Variants in ITPR1 observed in about 807,000 individuals in gnomAD.
The protein encoded by ITPR1 is inositol 1,4,5-trisphosphate-gated calcium channel ITPR1.
ITPR1 carries 96 observed loss-of-function variants against 318.4 expected under a neutral mutation model. The ratio of observed to expected loss-of-function variants is 0.30; its 90% CI spans 0.26 to 0.36. ITPR1 has a LOEUF of 0.36. Ranked by LOEUF, ITPR1 falls within the 10% of genes least tolerant of loss-of-function variation. The pLI, the probability that ITPR1 is intolerant of heterozygous loss-of-function variation, is 1.00. For missense variants in ITPR1, 2,440 were observed against 3,460.2 expected (o/e 0.71, Z 7.40); for synonymous variants, 1,312 against 1,289.9 (o/e 1.02, Z -0.37).
intron 52 of ITPR1, among the ~76,000 whole-genome samples, chr3:4,792,173 G>A (rs958928378): frequency 6.6e-6 from 1 of 151,952 alleles, no homozygotes; most frequent in Non-Finnish European, 1.5e-5. Context: ...TCACCTACAC[G>A]GATACTTGTG....
intron 7 of ITPR1, among the ~76,000 whole-genome samples, chr3:4,642,964 A>C (rs1175897855): frequency 1.3e-5 from 2 of 152,258 alleles, no homozygotes; most frequent in Non-Finnish European, 2.9e-5. Context: ...AACAGCATGA[A>C]ATAGTCTCAA....
intron 39 of ITPR1, among the ~76,000 whole-genome samples, chr3:4,713,096 G>A (rs539105069): frequency 1.2e-4 from 18 of 152,198 alleles, no homozygotes; most frequent in African/African-American, 4.1e-4. Flanking sequence ...AAGGTGGGGG[G>A]TACGGGGGAA....
rs188306442 is a variant in ITPR1 at position 4,573,120 on chromosome 3, G to C, written c.163+52026G>C. 5.9e-5 allele frequency among the ~76,000 whole-genome samples: 9 copies of C among 152,222 alleles called. No homozygotes were observed. In the East Asian group the frequency reaches 1.5e-3, roughly 26 times the overall value. On this transcript the variant is annotated intron_variant, in intron 4 of 61. Coordinates refer to ENST00000649015, the MANE Select transcript of ITPR1 (RefSeq NM_001378452.1). ...CTATATACCAGAACCGGAATTACTA[G>C]ATTATATAGTAGCTCTACTTTTGAT... is the stretch of plus-strand genomic sequence containing the variant.
rs1481890187 is a variant in ITPR1 at position 4,556,609 on chromosome 3, T to G, written c.163+35515T>G. ...GGCTTCTTTCACTCAGTATGTGCAT[T>G]TAAATTTCCTCCATGTCTTTTCATG... is the stretch of plus-strand genomic sequence containing the variant. On this transcript the variant is annotated intron_variant, in intron 4 of 61. Transcript: ENST00000649015. Among the ~76,000 whole-genome samples the G allele has an allele frequency of 3.9e-5, 6 of 152,252 alleles. No individual in the cohort carries two copies. The East Asian group carries it at 9.6e-4, about 24-fold the overall frequency.
At position 4,676,595 on chromosome 3, in the gene ITPR1, C is replaced by G. The variant is rs375100956; in HGVS notation, c.2780-19C>G. Reference sequence around the variant, plus strand: ...TCTCTAGAGACATTGTGACCGTGGTCTCTCCTGGCCTTTCCTAGGCAGTAA... The same window carrying G: ...TCTCTAGAGACATTGTGACCGTGGTGTCTCCTGGCCTTTCCTAGGCAGTAA... On this transcript the variant is annotated intron_variant, in intron 23 of 61. Coordinates refer to ENST00000649015, the MANE Select transcript of ITPR1 (RefSeq NM_001378452.1). 8 of 1,607,498 alleles carry G rather than the reference C, an allele frequency of 5.0e-6. No homozygotes were observed. Among genetic ancestry groups the G allele is most frequent in the Admixed American group, 3.4e-5 (2 of 59,578 alleles).
intron 10 of ITPR1, among the ~76,000 whole-genome samples, chr3:4,647,428 T>C (rs1468776595): frequency 1.3e-5 from 2 of 152,220 alleles, no homozygotes; most frequent in African/African-American, 4.8e-5. Flanking sequence ...TAGCAGTGGA[T>C]TGGCTGGATC....
chr3:4,767,963 A>G (rs11130136), intron 45 of ITPR1, among the ~76,000 whole-genome samples: 33,530 of 152,084 alleles, frequency 0.22, 5,374 homozygotes, highest in African/African-American at 0.41. Context: ...GAGGCAGTGG[A>G]GCCAGCATTC....
intron 4 of ITPR1, among the ~76,000 whole-genome samples, chr3:4,554,013 G>A (rs1247455909): frequency 6.6e-6 from 1 of 152,238 alleles, no homozygotes; most frequent in African/African-American, 2.4e-5. Context: ...AAAGTGCTCG[G>A]ATTACAGGTG....
intron 40 of ITPR1, among the ~76,000 whole-genome samples, chr3:4,722,218 C>G (rs1575012426): frequency 1.3e-5 from 2 of 152,254 alleles, no homozygotes; most frequent in African/African-American, 4.8e-5. Context: ...ACTGGGAAGA[C>G]AAGATTGCAG....
In ITPR1 at chr3:4,683,489, G is replaced by A; in HGVS notation, c.3265G>A (p.Ala1089Thr). 2 of 1,614,062 alleles carry A rather than the reference G, an allele frequency of 1.2e-6. No homozygotes were observed. The highest frequency in any genetic ancestry group is 1.7e-6 in the Non-Finnish European group (2 of 1,179,904). ...MHDYPPLVSG[A>T]LQLLFRHFSQ... ...TGACTACCCACCCCTGGTGTCAGGG[G>A]CCCTGCAGCTCCTCTTCCGGCACTT... Residue 1089 changes from alanine to threonine, a missense_variant, in exon 27 of 62, where the codon GCC becomes ACC. Coordinates refer to ENST00000649015, the MANE Select transcript of ITPR1 (RefSeq NM_001378452.1).
chr3:4,675,806 C>T (rs1399869840), intron 23 of ITPR1, among the ~76,000 whole-genome samples: 4 of 152,074 alleles, frequency 2.6e-5, no homozygotes, highest in African/African-American at 9.7e-5. Context: ...GTTAACTGGT[C>T]TTCTGCAGCT....
At chr3:4,533,261 C>T (rs1431196919) in intron 4 of ITPR1, among the ~76,000 whole-genome samples, 1 of 152,190 alleles carries the variant, frequency 6.6e-6, no homozygotes, top group Non-Finnish European at 1.5e-5. Flanking sequence ...CAAGGCTTGC[C>T]GAATCCGGTC....
intron 5 of ITPR1, among the ~76,000 whole-genome samples, chr3:4,629,292 A>T (rs1404351852): frequency 6.6e-6 from 1 of 151,914 alleles, no homozygotes; most frequent in African/African-American, 2.4e-5. Context: ...TGTTGAGAAC[A>T]TTGTTTTCCT....
chr3:4,584,751 T>G (rs777423710), intron 4 of ITPR1, among the ~76,000 whole-genome samples: 6 of 152,046 alleles, frequency 3.9e-5, no homozygotes, highest in Non-Finnish European at 8.8e-5. Context: ...GCTTCTCCCT[T>G]CCAGCCCTGC....
intron 60 of ITPR1, among the ~76,000 whole-genome samples, chr3:4,825,456 A>T (rs908063877): frequency 6.6e-6 from 1 of 152,246 alleles, no homozygotes; most frequent in East Asian, 1.9e-4. Context: ...CTTCAAAAAA[A>T]GTAACATGCA....
At chr3:4,541,520 G>A (rs1049429786) in intron 4 of ITPR1, among the ~76,000 whole-genome samples, 2 of 149,932 alleles carry the variant, frequency 1.3e-5, no homozygotes, top group South Asian at 4.2e-4. Context: ...ATGAATATAG[G>A]TGTCAGTTTC....
At chr3:4,623,299 C>T (rs2092708015) in intron 4 of ITPR1, among the ~76,000 whole-genome samples, 1 of 152,210 alleles carries the variant, frequency 6.6e-6, no homozygotes, top group African/African-American at 2.4e-5. Flanking sequence ...CCCCTTAACG[C>T]CTGCTTCAAC....
At position 4,821,090 on chromosome 3, in the gene ITPR1, A is replaced by G. The variant is rs2049683619; in HGVS notation, c.8028+2848A>G. Among the ~76,000 whole-genome samples the G allele has an allele frequency of 2.0e-5, 3 of 152,238 alleles. 1 individual carries two copies. The South Asian group carries it at 6.2e-4, about 31-fold the overall frequency. On this transcript the variant is annotated intron_variant, in intron 60 of 61. Coordinates refer to ENST00000649015, the MANE Select transcript of ITPR1 (RefSeq NM_001378452.1). ...AATCAGGTGATCTCTTGAATGAGCC[A>G]ACCCCAGGAGGCTGTAGCTACTCCA...
intron 21 of ITPR1, among the ~76,000 whole-genome samples, 200 bp downstream of exon 21, chr3:4,673,587 T>C (rs562198405): frequency 1.4e-5 from 1 of 71,178 alleles, no homozygotes; most frequent in East Asian, 1.4e-3. Context: ...TTTTGTTTGT[T>C]TGTTTGTTTG....
Sources: gnomAD v4.1 joint callset for allele counts (sites outside exome capture counted in the v4.1 genomes callset) on GRCh38, gnomAD v4.1.1 for gene constraint, MANE v1.5 for transcripts, NCBI Gene and HGNC (gene_info 2026-07-23, HGNC 2026-07-21) for gene names.